AGBL4: variants seen among roughly 807,000 people sequenced by gnomAD.
AGBL4 encodes the protein cytosolic carboxypeptidase 6.
Under a neutral mutation model 66.4 loss-of-function variants are expected in AGBL4, and 58 were observed. The observed-to-expected ratio is 0.87, with a 90% CI of 0.71 to 1.09. AGBL4 has a LOEUF of 1.09. Among genes scored for constraint, AGBL4 ranks in the 50% least tolerant of loss-of-function variants. AGBL4 has a pLI of 0.00. For synonymous variants in AGBL4, 234 were observed against 222.9 expected (o/e 1.05, Z -0.44); for missense variants, 579 against 631.0 (o/e 0.92, Z 0.88).
At chr1:49,774,665 T>A (rs1644151507) in intron 2 of AGBL4, among the ~76,000 whole-genome samples, 1 of 152,236 alleles carries the variant, frequency 6.6e-6, no homozygotes, top group South Asian at 2.1e-4. Flanking sequence ...TAGTTTTCTA[T>A]CATGACTGAA....
At chr1:49,948,053 TATATATATGTAA>T (rs1214317255) in intron 1 of AGBL4, among the ~76,000 whole-genome samples, 874 of 5,968 alleles carry the variant, frequency 0.15, 27 homozygotes, top group South Asian at 0.21. Context: ...AATATATAAA[TATATATATGTAA>T]ATATATGTAA....
intron 2 of AGBL4, among the ~76,000 whole-genome samples, chr1:49,819,162 G>T (rs531563088): frequency 6.1e-4 from 93 of 152,148 alleles, no homozygotes; most frequent in African/African-American, 2.2e-3. Flanking sequence ...CACTTCCAGG[G>T]CACAGGGTAG....
At chr1:48,793,461 C>T (rs1645598370) in intron 6 of AGBL4, among the ~76,000 whole-genome samples, 1 of 152,176 alleles carries the variant, frequency 6.6e-6, no homozygotes, top group Non-Finnish European at 1.5e-5. Context: ...TCCTGAAATA[C>T]CTCTCTTCTC....
At chr1:48,874,273 C>A (rs1649004051) in intron 5 of AGBL4, among the ~76,000 whole-genome samples, 1 of 152,118 alleles carries the variant, frequency 6.6e-6, no homozygotes, top group Non-Finnish European at 1.5e-5. Context: ...CCTCCCCCAG[C>A]CATAGTCACT....
chr1:49,748,506 A>T (rs1201052773), intron 2 of AGBL4, among the ~76,000 whole-genome samples: 1 of 152,222 alleles, frequency 6.6e-6, no homozygotes, highest in Non-Finnish European at 1.5e-5. Context: ...AATGATTTAT[A>T]ATACTTTGGG....
At chr1:49,010,523 A>AC (rs999916665) in intron 5 of AGBL4, among the ~76,000 whole-genome samples, 8 of 141,300 alleles carry the variant, frequency 5.7e-5, no homozygotes, top group African/African-American at 1.6e-4. Context: ...GAATTGGAAA[A>AC]AACTACTTTA....
intron 6 of AGBL4, chr1:48,761,113 A>G (rs767539900): frequency 9.8e-6 from 5 of 510,040 alleles, no homozygotes; most frequent in South Asian, 9.6e-5. Flanking sequence ...CTGTGCAAAC[A>G]GGACCAAGCT....
chr1:48,955,189 C>A (rs1027181505), intron 5 of AGBL4, among the ~76,000 whole-genome samples: 1 of 152,152 alleles, frequency 6.6e-6, no homozygotes, highest in Non-Finnish European at 1.5e-5. Flanking sequence ...CCATGGCTCA[C>A]CCTTGCTCTG....
chr1:49,750,963 C>T (rs999076470), intron 2 of AGBL4, among the ~76,000 whole-genome samples: 2 of 152,134 alleles, frequency 1.3e-5, no homozygotes, highest in African/African-American at 4.8e-5. Flanking sequence ...GCTGAAGTTG[C>T]TTATCAGCTT....
chr1:48,935,058 C>T (rs1655337345), intron 5 of AGBL4, among the ~76,000 whole-genome samples: 1 of 152,160 alleles, frequency 6.6e-6, no homozygotes, highest in South Asian at 2.1e-4. Flanking sequence ...ATTATAGAGA[C>T]AATCAATTTT....
At chr1:48,826,958 C>T (rs1646439594) in intron 6 of AGBL4, among the ~76,000 whole-genome samples, 1 of 152,128 alleles carries the variant, frequency 6.6e-6, no homozygotes, top group South Asian at 2.1e-4. Flanking sequence ...CACTCTTTCA[C>T]CACTATGCTT....
At chr1:49,516,073 C>T (rs187702503) in intron 3 of AGBL4, among the ~76,000 whole-genome samples, 4 of 150,686 alleles carry the variant, frequency 2.7e-5, no homozygotes, top group Admixed American at 6.6e-5. Flanking sequence ...TGCCCCCCCC[C>T]ACAAAAAAAA....
In AGBL4 at chr1:48,653,383, T is replaced by A. The variant is rs1645964713; in HGVS notation, c.793A>T (p.Ile265Phe). The A allele has an allele frequency of 1.3e-6, 2 of 1,588,888 alleles. No individual in the cohort carries two copies. Among genetic ancestry groups the A allele is most frequent in the Non-Finnish European group, 1.7e-6 (2 of 1,166,996 alleles). The change falls in exon 8 of 14, where the codon ATC (isoleucine) becomes TTC (phenylalanine). Residue 265 changes from isoleucine (I) to phenylalanine (F), a missense_variant. By Grantham distance (21) the Ile-to-Phe change is conservative. Coordinates refer to ENST00000371839, the MANE Select transcript of AGBL4 (RefSeq NM_032785.4). ...CCATCAGGATTGAGCATTGGTGCGA[T>A]CTTGAAGACCAGGTATTCCCGGAGG... is the stretch of plus-strand genomic sequence containing the variant. ...CVLREYLVFK[I>F]APMLNPDGVY...
chr1:49,175,099 A>G (rs568631347), intron 4 of AGBL4: 37 of 152,228 alleles, frequency 2.4e-4, no homozygotes, highest in African/African-American at 8.9e-4. Flanking sequence ...ATGAAAAAAA[A>G]TTATTCTAAT....
At chr1:49,820,276 A>G (rs566227477) in intron 2 of AGBL4, among the ~76,000 whole-genome samples, 1 of 152,306 alleles carries the variant, frequency 6.6e-6, no homozygotes, top group African/African-American at 2.4e-5. Flanking sequence ...TTAACTTGAT[A>G]TAAATAAACT....
At chr1:49,579,828 C>T (rs1213922614) in intron 3 of AGBL4, among the ~76,000 whole-genome samples, 2 of 152,246 alleles carry the variant, frequency 1.3e-5, no homozygotes, top group African/African-American at 2.4e-5. Flanking sequence ...ATTTTGAGTC[C>T]ATTTGGTCTA....
At chr1:49,513,291 AT>A (rs1234476619) in intron 3 of AGBL4, among the ~76,000 whole-genome samples, 1 of 151,970 alleles carries the variant, frequency 6.6e-6, no homozygotes, top group Non-Finnish European at 1.5e-5. Context: ...TCCAACTTTT[AT>A]TTTAGATACG....
At chr1:48,916,263 T>TC (rs1055456962) in intron 5 of AGBL4, among the ~76,000 whole-genome samples, 2 of 152,110 alleles carry the variant, frequency 1.3e-5, no homozygotes, top group Non-Finnish European at 1.5e-5. Context: ...GGAAAATGGT[T>TC]CCCCTGCAGT....
intron 3 of AGBL4, among the ~76,000 whole-genome samples, chr1:49,561,667 A>G (rs1185472455): frequency 1.3e-5 from 2 of 152,090 alleles, no homozygotes; most frequent in Non-Finnish European, 2.9e-5. Context: ...ATAGTATTCC[A>G]TGGTGTATAT....
Sources: gnomAD v4.1 joint callset for allele counts (sites outside exome capture counted in the v4.1 genomes callset) on GRCh38, gnomAD v4.1.1 for gene constraint, MANE v1.5 for transcripts, NCBI Gene and HGNC (gene_info 2026-07-23, HGNC 2026-07-21) for gene names.